The following MICAL3 variants were observed in gnomAD, a reference collection of about 807,000 sequenced individuals.
The protein encoded by MICAL3 is microtubule associated monooxygenase, calponin and LIM domain containing 3, also known as [F-actin]-monooxygenase MICAL3.
Under a neutral mutation model 207.4 loss-of-function variants are expected in MICAL3, and 62 were observed. The observed-to-expected ratio is 0.30, with a 90% CI of 0.24 to 0.37. MICAL3 has a LOEUF of 0.37. Among genes scored for constraint, MICAL3 ranks in the 10% least tolerant of loss-of-function variants. The pLI, the probability that MICAL3 is intolerant of heterozygous loss-of-function variation, is 1.00. For missense variants in MICAL3, 2,368 were observed against 2,635.6 expected (o/e 0.90, Z 2.22); for synonymous variants, 1,077 against 1,069.3 (o/e 1.01, Z -0.14).
At chr22:18,020,334 C>G (rs958408028) in intron 1 of MICAL3, 4 of 151,330 alleles carry the variant, frequency 2.6e-5, no homozygotes, top group Non-Finnish European at 4.4e-5. Context: ...GTCAGAGATC[C>G]TCTCCCTTCA....
intron 11 of MICAL3, among the ~76,000 whole-genome samples, chr22:17,893,595 C>G (rs572093154): frequency 6.6e-6 from 1 of 152,292 alleles, no homozygotes; most frequent in South Asian, 2.1e-4. Context: ...AGCAGCATCC[C>G]TGGCTCCTGC....
intron 1 of MICAL3, among the ~76,000 whole-genome samples, chr22:17,982,445 G>T (rs113259309): frequency 6.6e-6 from 1 of 152,182 alleles, no homozygotes; most frequent in Admixed American, 6.5e-5. Flanking sequence ...GGGAGAGGTG[G>T]GTGGATCACG....
rs1344056717 is a variant in MICAL3 at position 17,899,481 on chromosome 22, C to T, written c.915G>A (p.Lys305=). Residue 305 remains lysine (K), a synonymous_variant, in exon 7 of 32, where the codon AAG becomes AAA. Transcript: ENST00000441493. ...TCACTCCTTTGTCCAGCAAACTCTGCTTTTTGGCTGTCATAACGAAATAGT... is the reference window on the plus strand; with the variant it reads ...TCACTCCTTTGTCCAGCAAACTCTGTTTTTTGGCTGTCATAACGAAATAGT... ...DTHYFVMTAK[K]QSLLDKGVIL... is the part of the protein sequence containing the mutation. 1 of 1,610,328 alleles carries T rather than the reference C, an allele frequency of 6.2e-7. No homozygotes were observed. Among genetic ancestry groups the T allele is most frequent in the Admixed American group, 1.7e-5 (1 of 59,604 alleles).
chr22:17,921,829 C>T (rs895208220), intron 1 of MICAL3, among the ~76,000 whole-genome samples: 3 of 152,060 alleles, frequency 2.0e-5, no homozygotes, highest in Admixed American at 6.6e-5. Flanking sequence ...ACATCCTCCA[C>T]GAGTGCCAGA....
intron 19 of MICAL3, chr22:17,861,057 G>A (rs1277852206): frequency 4.1e-6 from 4 of 985,434 alleles, no homozygotes; most frequent in Non-Finnish European, 4.8e-6. Flanking sequence ...TTGGGGTAAG[G>A]TGGGAGGTAA....
intron 29 of MICAL3, among the ~76,000 whole-genome samples, chr22:17,801,881 G>A (rs961727260): frequency 4.6e-5 from 7 of 151,754 alleles, no homozygotes; most frequent in East Asian, 1.9e-4. Context: ...GCGACAGAGC[G>A]AGACTCCATC....
intron 1 of MICAL3, among the ~76,000 whole-genome samples, chr22:17,944,489 C>T (rs1933962561): frequency 6.6e-6 from 1 of 152,112 alleles, no homozygotes; most frequent in Non-Finnish European, 1.5e-5. Flanking sequence ...ACATTAAGTC[C>T]CGAACAATGA....
intron 1 of MICAL3, among the ~76,000 whole-genome samples, chr22:17,950,091 T>C (rs559938547): frequency 6.6e-5 from 10 of 151,802 alleles, no homozygotes; most frequent in African/African-American, 2.4e-4. Context: ...GAGGAAACAG[T>C]GTTTCAGAAG....
chr22:17,823,186 T>C (rs982140411), intron 22 of MICAL3, 126 bp from the exon 23 acceptor site: 1 of 678,812 alleles, frequency 1.5e-6, no homozygotes, highest in African/African-American at 1.8e-5. Flanking sequence ...AGAGGGGAGA[T>C]GCTGCCAGGC....
At chr22:17,844,745 C>G (rs1195094433) in intron 19 of MICAL3, among the ~76,000 whole-genome samples, 1 of 152,192 alleles carries the variant, frequency 6.6e-6, no homozygotes, top group Non-Finnish European at 1.5e-5. Flanking sequence ...CTCCATTCTT[C>G]AACACCGAGC....
At chr22:17,998,857 C>T (rs1052145615) in intron 1 of MICAL3, among the ~76,000 whole-genome samples, 1 of 152,062 alleles carries the variant, frequency 6.6e-6, no homozygotes, top group East Asian at 1.9e-4. Context: ...GGGCCCAGAG[C>T]ATAATTATTA....
intron 1 of MICAL3, among the ~76,000 whole-genome samples, chr22:17,907,254 G>C (rs1285101330): frequency 6.6e-6 from 1 of 152,194 alleles, no homozygotes. Context: ...GCCTCTGAGA[G>C]GTGACAGCTG....
chr22:17,863,195 G>A (rs1926703228), intron 19 of MICAL3: 4 of 985,256 alleles, frequency 4.1e-6, no homozygotes, highest in South Asian at 9.4e-5. Flanking sequence ...CAAACCTGGC[G>A]TCATTCAGGA....
intron 12 of MICAL3, among the ~76,000 whole-genome samples, chr22:17,889,490 C>T (rs1930220742): frequency 6.6e-6 from 1 of 152,172 alleles, no homozygotes; most frequent in African/African-American, 2.4e-5. Flanking sequence ...AAACGACTCT[C>T]ATTTTTCTAG....
At chr22:17,955,055 GT>G (rs150480572) in intron 1 of MICAL3, among the ~76,000 whole-genome samples, 4,348 of 152,250 alleles carry the variant, frequency 0.029, 76 homozygotes, top group Middle Eastern at 0.048. Flanking sequence ...TACTAGCTGT[GT>G]GACTTTAATC....
intron 17 of MICAL3, among the ~76,000 whole-genome samples, chr22:17,867,948 A>G (rs1927318899): frequency 2.0e-5 from 3 of 152,352 alleles, no homozygotes; most frequent in Non-Finnish European, 2.9e-5. Flanking sequence ...GTATAACTCA[A>G]TTGAACTCAA....
intron 19 of MICAL3, among the ~76,000 whole-genome samples, chr22:17,859,412 C>G (rs1034504884): frequency 6.6e-6 from 1 of 152,202 alleles, no homozygotes; most frequent in Non-Finnish European, 1.5e-5. Flanking sequence ...TCTCTTGGGC[C>G]AATTCAGCAT....
intron 19 of MICAL3, 105 bp downstream of exon 19, chr22:17,864,794 C>T (rs200595485): frequency 2.4e-4 from 388 of 1,613,892 alleles, no homozygotes; most frequent in Admixed American, 2.1e-3. Context: ...ACTTGTTGCC[C>T]GAATGAAGAA....
rs1487682619 is a variant in MICAL3 at position 17,958,703 on chromosome 22, TTA to T, written c.-74-51819_-74-51818del. ...GTTGTTTTTGAGTTGTTGGGTTTTTTTATTTTTTTTTTCTTTTGAGACAGAGT... is the reference window on the plus strand; with the variant it reads ...GTTGTTTTTGAGTTGTTGGGTTTTTTTTTTTTTTTTCTTTTGAGACAGAGT... On this transcript the variant is annotated intron_variant, in intron 1 of 31. Transcript: ENST00000441493. Among the ~76,000 whole-genome samples the T allele has an allele frequency of 8.2e-3, 1,119 of 136,200 alleles. 14 individuals carry two copies. The highest frequency in any genetic ancestry group is 0.035 in the African/African-American group (1,072 of 30,646). The allele number at this position is 136,200 out of a possible 152,430, so 89.4% of individuals were successfully genotyped here.
Sources: gnomAD v4.1 joint callset for allele counts (sites outside exome capture counted in the v4.1 genomes callset) on GRCh38, gnomAD v4.1.1 for gene constraint, MANE v1.5 for transcripts, NCBI Gene and HGNC (gene_info 2026-07-23, HGNC 2026-07-21) for gene names.